The following TLE4 variants were observed in gnomAD, a reference collection of about 807,000 sequenced individuals.
TLE4 encodes transducin-like enhancer protein 4.
TLE4 carries 8 observed loss-of-function variants against 92.8 expected under a neutral mutation model. The observed-to-expected ratio is 0.09, with a 90% CI of 0.05 to 0.16. The LOEUF (loss-of-function observed/expected upper bound fraction) is 0.16, where lower values mean the gene tolerates loss of function less well. Among genes scored for constraint, TLE4 ranks in the 10% least tolerant of loss-of-function variants. The pLI is 1.00. For synonymous variants in TLE4, 371 were observed against 374.1 expected, an observed-to-expected ratio of 0.99 and a Z score of 0.10; for missense variants, 675 against 997.6, an observed-to-expected ratio of 0.68 and a Z score of 4.36.
At chr9:79,717,359 A>G (rs568964283) in intron 14 of TLE4, among the ~76,000 whole-genome samples, 1 of 152,250 alleles carries the variant, frequency 6.6e-6, no homozygotes, top group South Asian at 2.1e-4. Context: ...TCACACATCC[A>G]GTGTATCTCC....
At chr9:79,632,606 T>C (rs1446908759) in intron 6 of TLE4, among the ~76,000 whole-genome samples, 1 of 152,210 alleles carries the variant, frequency 6.6e-6, no homozygotes, top group African/African-American at 2.4e-5. Flanking sequence ...GTAAAACATA[T>C]TTAACAGCTC....
rs931895531 is a variant in TLE4 at position 79,716,340 on chromosome 9, A to G, written c.1341-2382A>G. 2.0e-5 allele frequency among the ~76,000 whole-genome samples: 3 copies of G among 152,156 alleles called. No individual in the cohort carries two copies. The East Asian group carries it at 5.8e-4, about 29-fold the overall frequency. On this transcript the variant is annotated intron_variant, in intron 14 of 19. Transcript: ENST00000376552. ...GTCATTCCTTCAGCTCTCCGCGCAT[A>G]TGCTGCCTCTTCAGAGAGGGCCACC...
chr9:79,686,358 A>T (rs563774453), intron 8 of TLE4, among the ~76,000 whole-genome samples: 1 of 152,354 alleles, frequency 6.6e-6, no homozygotes, highest in East Asian at 1.9e-4. Context: ...TTATCAAAAC[A>T]TCTGTAATGT....
At chr9:79,680,503 T>A (rs1265114792) in intron 8 of TLE4, among the ~76,000 whole-genome samples, 1 of 152,220 alleles carries the variant, frequency 6.6e-6, no homozygotes, top group African/African-American at 2.4e-5. Flanking sequence ...CTGAAGTTGC[T>A]TATCAGCTTA....
chr9:79,652,874 T>G (rs979695949), intron 7 of TLE4, 80 bp downstream of exon 7: 3 of 1,434,408 alleles, frequency 2.1e-6, no homozygotes, highest in Non-Finnish European at 2.9e-6. Context: ...TTGTTTATTC[T>G]CTCTGAATTT....
Position 79,705,740 on chromosome 9 carries a change from A to G in TLE4, c.730-149A>G, listed in dbSNP as rs1439758394. On this transcript the variant is annotated intron_variant, in intron 9 of 19. Coordinates refer to ENST00000376552, the MANE Select transcript of TLE4 (RefSeq NM_007005.6). ...CCACCTCCATAGCATCATCATGAGG[A>G]TTAAAGAAAATAGGACATTGTCAAG... The G allele has an allele frequency of 8.7e-6, 7 of 808,044 alleles. No homozygotes were observed. The Admixed American group carries it at 1.4e-4, about 16-fold the overall frequency. 50.1% of individuals were successfully genotyped at this position (808,044 alleles called of 1,614,324 possible).
chr9:79,696,069 G>A (rs1311685618), intron 8 of TLE4, among the ~76,000 whole-genome samples: 1 of 152,162 alleles, frequency 6.6e-6, no homozygotes, highest in Non-Finnish European at 1.5e-5. Context: ...TGGCTTTTCA[G>A]CAGCAGCAAT....
At chr9:79,613,300 G>A (rs954580659) in intron 5 of TLE4, among the ~76,000 whole-genome samples, 13 of 152,020 alleles carry the variant, frequency 8.6e-5, no homozygotes, top group African/African-American at 2.4e-4. Flanking sequence ...GTGATGGTAG[G>A]CTTAGCACAT....
At chr9:79,699,812 A>G (rs933449855) in intron 8 of TLE4, among the ~76,000 whole-genome samples, 1 of 152,200 alleles carries the variant, frequency 6.6e-6, no homozygotes, top group African/African-American at 2.4e-5. Flanking sequence ...TGGAGATGGT[A>G]TTTGCAGTCT....
rs186026977 is a variant in TLE4, at chr9:79,613,164, T to G, written c.315+446T>G. On this transcript the variant is annotated intron_variant, in intron 5 of 19. Coordinates refer to ENST00000376552, the MANE Select transcript of TLE4 (RefSeq NM_007005.6). ...ACTAATGAAGCTTTTGGCTAGCTAC[T>G]TTTAAACATTTACTTCTTGTTTCCT... Among the ~76,000 whole-genome samples, 178 of 152,296 alleles carry G rather than the reference T, an allele frequency of 1.2e-3. 1 individual carries two copies. The highest frequency in any genetic ancestry group is 4.0e-3 in the African/African-American group (168 of 41,574).
At chr9:79,687,300 T>C (rs1468507753) in intron 8 of TLE4, among the ~76,000 whole-genome samples, 3 of 152,168 alleles carry the variant, frequency 2.0e-5, no homozygotes, top group Non-Finnish European at 4.4e-5. Context: ...CACATGAATC[T>C]ACGATGTTCT....
chr9:79,617,774 G>A lies in TLE4; in HGVS notation c.315+5056G>A, dbSNP rs188517906. ...TATGAGGATTCGTGACAGTGTAAAA[G>A]GACCTCACTGAATGTTTGGCTGCTT... On this transcript the variant is annotated intron_variant, in intron 5 of 19. Coordinates refer to ENST00000376552, the MANE Select transcript of TLE4 (RefSeq NM_007005.6). Among the ~76,000 whole-genome samples the A allele has an allele frequency of 2.6e-4, 39 of 151,818 alleles. No homozygotes were observed. The East Asian group carries it at 6.6e-3, about 26-fold the overall frequency.
In TLE4 at chr9:79,720,192, C is replaced by T; in HGVS notation, c.1737C>T (p.Ala579=). The T allele has an allele frequency of 6.2e-7, 1 of 1,614,230 alleles. No individual in the cohort carries two copies. The highest frequency in any genetic ancestry group is 8.5e-7 in the Non-Finnish European group (1 of 1,180,038). ...IKAELTSSAP[A]CYALAISPDS... The stretch of plus-strand genomic sequence containing the variant: ...CAGAGCTGACATCCTCGGCCCCCGC[C>T]TGCTATGCCCTGGCCATCAGCCCCG... The change falls in exon 16 of 20, where the codon GCC becomes GCT. Residue 579 remains alanine, a synonymous_variant. Coordinates refer to ENST00000376552, the MANE Select transcript of TLE4 (RefSeq NM_007005.6).
chr9:79,678,617 T>C (rs916014029), intron 8 of TLE4, among the ~76,000 whole-genome samples: 1 of 102,088 alleles, frequency 9.8e-6, no homozygotes, highest in African/African-American at 2.6e-5. Context: ...TTATTGTTTT[T>C]CTTTTTTTTT....
At chr9:79,714,986 CTATG>C (rs1260632222) in intron 14 of TLE4, among the ~76,000 whole-genome samples, 1 of 152,136 alleles carries the variant, frequency 6.6e-6, no homozygotes, top group African/African-American at 2.4e-5. Context: ...TGAGTGCCTT[CTATG>C]TATACTAATA....
In TLE4 at chr9:79,652,781, T is replaced by C; in HGVS notation, c.579T>C (p.Asn193=). Residue 193 remains asparagine, a synonymous_variant, in exon 7 of 20, where the codon AAT becomes AAC. Coordinates refer to ENST00000376552, the MANE Select transcript of TLE4 (RefSeq NM_007005.6). The part of the protein sequence containing the change: ...PIKDEKKHHD[N]DHQRDRDSIK... ...AAGATGAGAAGAAGCACCATGACAA[T>C]GATCACCAAAGAGGTGAGTAACTCT... is the stretch of plus-strand genomic sequence containing the variant. The C allele has an allele frequency of 6.2e-7, 1 of 1,614,178 alleles. No homozygotes were observed. Among genetic ancestry groups the C allele is most frequent in the Non-Finnish European group, 8.5e-7 (1 of 1,180,008 alleles).
chr9:79,585,290 G>A (rs1478865518), intron 4 of TLE4, among the ~76,000 whole-genome samples: 1 of 152,162 alleles, frequency 6.6e-6, no homozygotes, highest in Non-Finnish European at 1.5e-5. Context: ...TTGGGGCTGA[G>A]ACACAGAGAG....
intron 4 of TLE4, among the ~76,000 whole-genome samples, chr9:79,591,540 T>C (rs1249493208): frequency 6.6e-6 from 1 of 152,196 alleles, no homozygotes; most frequent in Non-Finnish European, 1.5e-5. Context: ...ATATCTGTTT[T>C]GCTAATTTGT....
chr9:79,662,959 C>G (rs1325121358), intron 8 of TLE4, among the ~76,000 whole-genome samples: 1 of 152,034 alleles, frequency 6.6e-6, no homozygotes, highest in Admixed American at 6.6e-5. Flanking sequence ...TGTTCTCCCC[C>G]TCACCCACCC....
Sources: allele counts gnomAD v4.1 joint callset (sites outside exome capture counted in the v4.1 genomes callset), GRCh38; gene constraint gnomAD v4.1.1; transcripts MANE v1.5; gene names NCBI Gene and HGNC (gene_info 2026-07-23, HGNC 2026-07-21).